The following GABRG3 variants were observed in gnomAD, a reference collection of about 807,000 sequenced individuals.
GABRG3 encodes the protein gamma-aminobutyric acid receptor subunit gamma-3.
A neutral mutation model predicts 48.8 loss-of-function variants in GABRG3; 25 were observed. That is an observed-to-expected ratio of 0.51 (90% CI 0.37 to 0.72). The LOEUF (loss-of-function observed/expected upper bound fraction) is 0.72. Among genes scored for constraint, GABRG3 ranks in the 30% least tolerant of loss-of-function variants. The pLI is 0.00. For synonymous variants in GABRG3, 227 were observed against 217.6 expected (o/e 1.04, Z -0.38); for missense variants, 394 against 577.9 (o/e 0.68, Z 3.26).
chr15:27,352,470 A>C lies in GABRG3; in HGVS notation c.574+23582A>C, dbSNP rs1480924752. 6.6e-6 allele frequency among the ~76,000 whole-genome samples: 1 copy of C among 152,062 alleles called. No homozygotes were observed. The highest frequency in any genetic ancestry group is 1.5e-5 in the Non-Finnish European group (1 of 68,006). ...GAGCCAAGCAGATTGATAGTCTTCT[A>C]ATTAGTACGAAAAAGATTCGAGAAT... On this transcript the variant is annotated intron_variant, in intron 5 of 9. Transcript: ENST00000615808. This position sits in a 1 kb window ranked among gnomAD's most constrained non-coding sequence, Gnocchi z 4.0.
chr15:27,308,784 C>T (rs1306339627), intron 3 of GABRG3, among the ~76,000 whole-genome samples: 1 of 149,186 alleles, frequency 6.7e-6, no homozygotes, highest in Non-Finnish European at 1.5e-5. Context: ...ATATAAAACA[C>T]AATGTAAACA....
At chr15:27,306,191 C>A (rs998278432) in intron 3 of GABRG3, among the ~76,000 whole-genome samples, 3 of 129,526 alleles carry the variant, frequency 2.3e-5, no homozygotes, top group Non-Finnish European at 3.2e-5. Context: ...ATAATATAAA[C>A]ATATTTATAA....
At chr15:27,484,389 C>T in intron 6 of GABRG3, among the ~76,000 whole-genome samples, 1 of 152,008 alleles carries the variant, frequency 6.6e-6, no homozygotes, top group Non-Finnish European at 1.5e-5. Flanking sequence ...GGAAGTGTAC[C>T]TTGGAATTAT....
intron 6 of GABRG3, among the ~76,000 whole-genome samples, chr15:27,491,763 G>A (rs952747211): frequency 7.2e-5 from 11 of 152,074 alleles, no homozygotes; most frequent in African/African-American, 1.4e-4. Context: ...ACAAAAAACC[G>A]ACAAACAAAA....
At chr15:27,261,741 G>A (rs1485514019) in intron 3 of GABRG3, among the ~76,000 whole-genome samples, 1 of 151,858 alleles carries the variant, frequency 6.6e-6, no homozygotes, top group East Asian at 1.9e-4. Context: ...ATCTGTGGGA[G>A]CAACTTCTTA....
At position 27,538,996 on chromosome 15, in the gene GABRG3, C is replaced by G. The variant is rs1891608488; in HGVS notation, c.*6115C>G. The G allele has an allele frequency of 6.6e-6, 1 of 152,148 alleles. No individual in the cohort carries two copies. Among genetic ancestry groups the G allele is most frequent in the Admixed American group, 6.5e-5 (1 of 15,278 alleles). 9.4% of individuals were successfully genotyped at this position (152,148 alleles called of 1,614,324 possible). On this transcript the variant is annotated 3_prime_UTR_variant, in exon 10 of 10. Coordinates refer to ENST00000615808, the MANE Select transcript of GABRG3 (RefSeq NM_033223.5). ...AAAATGACAACATTGTCACTAACCA[C>G]TTTTTAAAAAAGAACTGAAATTCCC...
chr15:26,977,068 A>T lies in GABRG3; in HGVS notation c.120A>T (p.Pro40=). 1 of 1,613,928 alleles carries T rather than the reference A, an allele frequency of 6.2e-7. No homozygotes were observed. The highest frequency in any genetic ancestry group is 8.5e-7 in the Non-Finnish European group (1 of 1,179,786). The change falls in exon 2 of 10, where the codon CCA becomes CCT. Residue 40 remains proline (P), a synonymous_variant. Transcript: ENST00000615808. Reference sequence around the variant, plus strand: ...CAAACCAAAAGTGGGTCTTGGCTCCAAAATCCCAAGACACCGACGTGACTC... The same window carrying T: ...CAAACCAAAAGTGGGTCTTGGCTCCTAAATCCCAAGACACCGACGTGACTC... ...SSSNQKWVLA[P]KSQDTDVTLI...
chr15:27,515,345 C>T (rs1000968640), intron 6 of GABRG3, among the ~76,000 whole-genome samples: 15 of 152,054 alleles, frequency 9.9e-5, no homozygotes, highest in African/African-American at 1.4e-4. Context: ...CCACCTAACC[C>T]GGCTTCCCAA....
At chr15:27,088,643 C>T (rs978950068) in intron 3 of GABRG3, among the ~76,000 whole-genome samples, 2 of 152,088 alleles carry the variant, frequency 1.3e-5, no homozygotes, top group Non-Finnish European at 2.9e-5. Context: ...GAGGGGGAAG[C>T]GGGCTTCTTC....
intron 3 of GABRG3, among the ~76,000 whole-genome samples, chr15:27,058,570 C>T (rs1054662901): frequency 1.3e-5 from 2 of 151,528 alleles, no homozygotes; most frequent in Admixed American, 1.3e-4. Flanking sequence ...CCCAACTGTC[C>T]GGCTACATGT....
intron 5 of GABRG3, among the ~76,000 whole-genome samples, chr15:27,417,651 T>G (rs1488285203): frequency 6.6e-6 from 1 of 152,298 alleles, no homozygotes; most frequent in Non-Finnish European, 1.5e-5. Context: ...GCTCCTTCAC[T>G]CTGGTTACTG....
At chr15:27,437,723 T>A (rs1196952949) in intron 5 of GABRG3, among the ~76,000 whole-genome samples, 3 of 152,226 alleles carry the variant, frequency 2.0e-5, no homozygotes, top group Non-Finnish European at 4.4e-5. Flanking sequence ...TGTAAGAGAA[T>A]ACCTAAGGCT....
At chr15:27,406,717 A>T (rs1170013848) in intron 5 of GABRG3, among the ~76,000 whole-genome samples, 1 of 152,180 alleles carries the variant, frequency 6.6e-6, no homozygotes, top group Non-Finnish European at 1.5e-5. Flanking sequence ...TGAATTCTGG[A>T]ACGTCAAGAG....
At chr15:27,202,925 T>C (rs544343555) in intron 3 of GABRG3, among the ~76,000 whole-genome samples, 1 of 152,306 alleles carries the variant, frequency 6.6e-6, no homozygotes, top group East Asian at 1.9e-4. Context: ...ATATCCTGTC[T>C]TGACTAATAG....
At position 27,210,244 on chromosome 15, in the gene GABRG3, C is replaced by A. The variant is rs116134206; in HGVS notation, c.271-116565C>A. Among the ~76,000 whole-genome samples the A allele has an allele frequency of 1.6e-3, 242 of 152,326 alleles. 2 individuals carry two copies. The highest frequency in any genetic ancestry group is 5.7e-3 in the African/African-American group (235 of 41,584). ...CCATTCCTCCTCAGCACCAAGAACA[C>A]CTGTAACTCCTTTGGAACTTTTATC... On this transcript the variant is annotated intron_variant, in intron 3 of 9. Coordinates refer to ENST00000615808, the MANE Select transcript of GABRG3 (RefSeq NM_033223.5).
rs1482667851 is a variant in GABRG3, at chr15:26,975,728, T to G, written c.54-1274T>G. On this transcript the variant is annotated intron_variant, in intron 1 of 9. Transcript: ENST00000615808. This position sits in a 1 kb window ranked among gnomAD's most constrained non-coding sequence, Gnocchi z 4.6. ...CTCAAAATTAAGTTCCAGAAACTTA[T>G]ATCCCAGAGCACAAGTGTCCTGACA... Among the ~76,000 whole-genome samples, 1 of 152,230 alleles carries G rather than the reference T, an allele frequency of 6.6e-6. No homozygotes were observed. Among genetic ancestry groups the G allele is most frequent in the Non-Finnish European group, 1.5e-5 (1 of 68,048 alleles).
chr15:27,433,419 G>A (rs148649265), intron 5 of GABRG3, among the ~76,000 whole-genome samples: 3 of 152,304 alleles, frequency 2.0e-5, no homozygotes, highest in Non-Finnish European at 4.4e-5. Context: ...AGCTTTTAGA[G>A]GCTGTCCACA....
At position 27,413,684 on chromosome 15, in the gene GABRG3, T is replaced by C. The variant is rs563359571; in HGVS notation, c.575-66966T>C. On this transcript the variant is annotated intron_variant, in intron 5 of 9. Coordinates refer to ENST00000615808, the MANE Select transcript of GABRG3 (RefSeq NM_033223.5). ...TTAAGACGGAGAATGCAGAGGGAGC[T>C]GAGAATGTAAGTCCCAGCTGCTGAA... 2.0e-5 allele frequency among the ~76,000 whole-genome samples: 3 copies of C among 152,226 alleles called. No individual in the cohort carries two copies. In the East Asian group the frequency reaches 5.8e-4, roughly 29 times the overall value.
At chr15:27,107,959 T>C (rs1012270667) in intron 3 of GABRG3, among the ~76,000 whole-genome samples, 1 of 151,912 alleles carries the variant, frequency 6.6e-6, no homozygotes, top group African/African-American at 2.4e-5. Flanking sequence ...CTTCATTTTT[T>C]TTTCTTGGTT....
Sources: gnomAD v4.1 joint callset for allele counts (sites outside exome capture counted in the v4.1 genomes callset) on GRCh38, gnomAD v4.1.1 for gene constraint, Gnocchi (gnomAD v3.1) non-coding constraint, MANE v1.5 for transcripts, NCBI Gene and HGNC (gene_info 2026-07-23, HGNC 2026-07-21) for gene names.